The following PDE1C variants were observed in gnomAD, a reference collection of about 807,000 sequenced individuals.
PDE1C encodes the protein phosphodiesterase 1C.
PDE1C carries 62 observed loss-of-function variants against 93.1 expected under a neutral mutation model. The observed-to-expected ratio is 0.67, with a 90% CI of 0.54 to 0.82. PDE1C has a LOEUF of 0.82. Among genes scored for constraint, PDE1C ranks in the 40% least tolerant of loss-of-function variants. PDE1C has a pLI of 0.00. For missense variants in PDE1C, 742 were observed against 884.6 expected (o/e 0.84, Z 2.04); for synonymous variants, 325 against 310.1 (o/e 1.05, Z -0.50).
intron 16 of PDE1C, among the ~76,000 whole-genome samples, chr7:31,793,989 C>CAGATAGATAGAT (rs60751029): frequency 5.0e-4 from 53 of 106,226 alleles, no homozygotes; most frequent in African/African-American, 6.3e-4. Flanking sequence ...ATAGATAAAC[C>CAGATAGATAGAT]AGATAGATAG....
chr7:31,776,376 GT>G (rs1256209497), intron 16 of PDE1C, among the ~76,000 whole-genome samples: 1 of 152,144 alleles, frequency 6.6e-6, no homozygotes, highest in African/African-American at 2.4e-5. Flanking sequence ...ACAAATGCTA[GT>G]TTAGTGGGGT....
At chr7:32,292,883 C>T (rs1383855740) in intron 1 of PDE1C, among the ~76,000 whole-genome samples, 2 of 152,226 alleles carry the variant, frequency 1.3e-5, no homozygotes, top group African/African-American at 2.4e-5. Flanking sequence ...ACGCCAGGCA[C>T]ACTGTGTGGC....
chr7:31,618,072 T>TATCA, the PDE1C span, among the ~76,000 whole-genome samples: 2 of 152,164 alleles, frequency 1.3e-5, no homozygotes, highest in Admixed American at 6.5e-5. Flanking sequence ...GACAGAAGCC[T>TATCA]ATCAGGTTCA....
chr7:32,317,208 G>C (rs1170877385), intron 1 of PDE1C, among the ~76,000 whole-genome samples: 1 of 152,232 alleles, frequency 6.6e-6, no homozygotes, highest in Non-Finnish European at 1.5e-5. Flanking sequence ...AGAAGTAACA[G>C]AAGAGTTGGT....
intron 3 of PDE1C, among the ~76,000 whole-genome samples, chr7:32,086,664 T>C (rs1372079558): frequency 6.6e-6 from 1 of 152,106 alleles, no homozygotes; most frequent in East Asian, 1.9e-4. Flanking sequence ...GAGATATAGA[T>C]CAATGGAACA....
the PDE1C span, among the ~76,000 whole-genome samples, chr7:31,718,686 G>T: frequency 6.6e-6 from 1 of 152,146 alleles, no homozygotes; most frequent in African/African-American, 2.4e-5. Context: ...TGAAGAGGGG[G>T]AATCCCTGTG....
At chr7:32,342,934 T>G (rs1225871982) in intron 1 of PDE1C, among the ~76,000 whole-genome samples, 1 of 152,204 alleles carries the variant, frequency 6.6e-6, no homozygotes, top group Non-Finnish European at 1.5e-5. Context: ...TCAAGTAATT[T>G]TATTAAACTC....
At chr7:32,161,014 T>G (rs1801888031) in intron 3 of PDE1C, among the ~76,000 whole-genome samples, 1 of 152,186 alleles carries the variant, frequency 6.6e-6, no homozygotes, top group Non-Finnish European at 1.5e-5. Context: ...ATGCCTGAGA[T>G]GGACTGAATT....
At chr7:31,713,516 C>T in the PDE1C span, among the ~76,000 whole-genome samples, 1 of 152,196 alleles carries the variant, frequency 6.6e-6, no homozygotes, top group Non-Finnish European at 1.5e-5. Context: ...GTCTGGAGGA[C>T]AGTGGCCCTC....
At chr7:32,032,586 A>G (rs1385546172) in intron 2 of PDE1C, among the ~76,000 whole-genome samples, 1 of 152,206 alleles carries the variant, frequency 6.6e-6, no homozygotes, top group Admixed American at 6.5e-5. Flanking sequence ...GAGAGAAAAT[A>G]TCAGCTCTAC....
In PDE1C at chr7:32,304,914, G is replaced by C. The variant is rs187707692; in HGVS notation, c.311-95375C>G. On this transcript the variant is annotated intron_variant, in intron 1 of 1. Transcript: ENST00000672256. ...CATCGTCGTCATCACTAGCATACTA[G>C]GTCCCTTTTGCGCTTCTGTTTTCTA... Among the ~76,000 whole-genome samples the C allele has an allele frequency of 2.6e-3, 389 of 152,032 alleles. 1 individual carries two copies. Among genetic ancestry groups the C allele is most frequent in the Non-Finnish European group, 4.6e-3 (312 of 67,990 alleles).
chr7:32,357,897 G>T (rs1585123836), intron 1 of PDE1C, among the ~76,000 whole-genome samples: 1 of 152,190 alleles, frequency 6.6e-6, no homozygotes, highest in Non-Finnish European at 1.5e-5. Flanking sequence ...TCTCAGAAGT[G>T]TCCAGCTTCA....
At position 32,051,649 on chromosome 7, in the gene PDE1C, T is replaced by C. The variant is rs193161197; in HGVS notation, c.102-69A>G. 1.1e-4 allele frequency: 145 copies of C among 1,338,794 alleles called. 1 individual carries two copies. Among genetic ancestry groups the C allele is most frequent in the Middle Eastern group, 3.6e-4 (2 of 5,530 alleles). 82.9% of individuals were successfully genotyped at this position (1,338,794 alleles called of 1,614,324 possible). On this transcript the variant is annotated intron_variant, in intron 1 of 17. Coordinates refer to ENST00000396191, the MANE Select transcript of PDE1C (RefSeq NM_001191057.4). The stretch of plus-strand genomic sequence containing the variant: ...AGGCAGTGGGTAAGAAAGGGATTAC[T>C]TCAGTGGGGATGGGCATGGGGGTCA...
At chr7:31,848,216 T>C in intron 8 of PDE1C, 120 bp from the exon 9 acceptor site, 1 of 962,682 alleles carries the variant, frequency 1.0e-6, no homozygotes, top group Non-Finnish European at 1.6e-6. Flanking sequence ...TTTGTCCCCA[T>C]GCCAGTTATA....
chr7:32,205,653 C>T (rs1267238564), intron 2 of PDE1C, among the ~76,000 whole-genome samples: 5 of 152,158 alleles, frequency 3.3e-5, no homozygotes, highest in Admixed American at 2.0e-4. Context: ...AAGCTTTGTT[C>T]CTTCCCCCTT....
chr7:31,640,128 C>T, the PDE1C span, among the ~76,000 whole-genome samples: 7 of 152,132 alleles, frequency 4.6e-5, no homozygotes, highest in African/African-American at 1.4e-4. Context: ...TAGGTGGGAC[C>T]AGAGCAGCGG....
intron 2 of PDE1C, among the ~76,000 whole-genome samples, chr7:31,882,266 TG>T (rs1447890315): frequency 6.6e-6 from 1 of 152,138 alleles, no homozygotes; most frequent in Non-Finnish European, 1.5e-5. Context: ...CCTGCAGGCT[TG>T]GAGGTGAAGG....
the PDE1C span, among the ~76,000 whole-genome samples, chr7:31,722,308 C>G: frequency 6.6e-6 from 1 of 152,152 alleles, no homozygotes; most frequent in East Asian, 1.9e-4. Flanking sequence ...AACCTGACTG[C>G]TTTTATGGTC....
intron 2 of PDE1C, among the ~76,000 whole-genome samples, chr7:32,000,070 G>C (rs1191347988): frequency 2.0e-5 from 3 of 152,166 alleles, no homozygotes; most frequent in Non-Finnish European, 4.4e-5. Flanking sequence ...TGTGAAAAGG[G>C]AGATACCCAC....
Sources: gnomAD v4.1 joint callset for allele counts (sites outside exome capture counted in the v4.1 genomes callset) on GRCh38, gnomAD v4.1.1 for gene constraint, MANE v1.5 for transcripts, NCBI Gene and HGNC (gene_info 2026-07-23, HGNC 2026-07-21) for gene names.